Variants in SCAI observed in about 807,000 individuals in gnomAD.
The protein encoded by SCAI is suppressor of cancer cell invasion, also known as protein SCAI.
SCAI carries 24 observed loss-of-function variants against 92.2 expected under a neutral mutation model. The ratio of observed to expected loss-of-function variants is 0.26; its 90% CI spans 0.19 to 0.37. SCAI has a LOEUF of 0.37. Among genes scored for constraint, SCAI ranks in the 10% least tolerant of loss-of-function variants. The probability of loss-of-function intolerance (pLI) is 1.00; values close to 1 mark genes in which losing one functional copy is unlikely to be tolerated. For missense variants in SCAI, 450 were observed against 736.2 expected, an observed-to-expected ratio of 0.61 and a Z score of 4.50; for synonymous variants, 261 against 258.6, an observed-to-expected ratio of 1.01 and a Z score of -0.09.
intron 2 of SCAI, among the ~76,000 whole-genome samples, chr9:125,058,635 A>C (rs1194431952): frequency 6.6e-6 from 1 of 152,140 alleles, no homozygotes; most frequent in Non-Finnish European, 1.5e-5. Context: ...CTGTAATTCT[A>C]TCTACTGAGA....
intron 2 of SCAI, among the ~76,000 whole-genome samples, chr9:125,106,781 T>C (rs996109944): frequency 7.3e-6 from 1 of 137,686 alleles, no homozygotes; most frequent in Non-Finnish European, 1.5e-5. Context: ...CAATCACCAC[T>C]CACTGCAGCC....
At chr9:125,141,556 T>G (rs1435957746) in intron 2 of SCAI, among the ~76,000 whole-genome samples, 2 of 152,238 alleles carry the variant, frequency 1.3e-5, no homozygotes, top group African/African-American at 4.8e-5. Flanking sequence ...ATTCACTTTG[T>G]TTGTGGACTA....
intron 2 of SCAI, among the ~76,000 whole-genome samples, chr9:125,106,207 T>C (rs904147192): frequency 5.7e-5 from 8 of 140,222 alleles, no homozygotes; most frequent in Non-Finnish European, 1.2e-4. Flanking sequence ...TAAATTTTGG[T>C]CTAAATACCT....
At chr9:125,132,146 C>T (rs945756105) in intron 2 of SCAI, among the ~76,000 whole-genome samples, 1 of 150,450 alleles carries the variant, frequency 6.6e-6, no homozygotes, top group Non-Finnish European at 1.5e-5. Flanking sequence ...CAGCGTCATG[C>T]TCTGTCACCC....
At chr9:125,138,381 G>A (rs957304545) in intron 2 of SCAI, among the ~76,000 whole-genome samples, 3 of 148,976 alleles carry the variant, frequency 2.0e-5, no homozygotes, top group Admixed American at 6.8e-5. Flanking sequence ...TCAGCCTCCC[G>A]AGTAGCTGGG....
At chr9:125,037,530 G>A (rs1031390838) in intron 3 of SCAI, among the ~76,000 whole-genome samples, 1 of 152,086 alleles carries the variant, frequency 6.6e-6, no homozygotes, top group African/African-American at 2.4e-5. Context: ...ACTGTTTCCT[G>A]GTCATATTTG....
intron 2 of SCAI, among the ~76,000 whole-genome samples, chr9:125,118,055 T>C (rs1835084586): frequency 6.6e-6 from 1 of 152,186 alleles, no homozygotes. Flanking sequence ...CTTGGACTCC[T>C]CCTTCCATTT....
intron 2 of SCAI, among the ~76,000 whole-genome samples, chr9:125,074,545 T>A (rs931239188): frequency 6.6e-6 from 1 of 150,760 alleles, no homozygotes; most frequent in African/African-American, 2.4e-5. Context: ...CGCATGAGCC[T>A]GGCCTCATTC....
At chr9:124,970,567 A>G (rs1831639206) in intron 17 of SCAI, among the ~76,000 whole-genome samples, 1 of 151,922 alleles carries the variant, frequency 6.6e-6, no homozygotes, top group Admixed American at 6.6e-5. Flanking sequence ...AAAAATACAA[A>G]AAATTAGCCA....
intron 2 of SCAI, among the ~76,000 whole-genome samples, chr9:125,081,563 G>T (rs531152215): frequency 6.6e-6 from 1 of 152,222 alleles, no homozygotes; most frequent in Admixed American, 6.5e-5. Context: ...TGCTGTTAAA[G>T]GCACTCAGTT....
intron 17 of SCAI, among the ~76,000 whole-genome samples, chr9:124,961,419 G>C (rs1322231319): frequency 6.6e-6 from 1 of 152,092 alleles, no homozygotes; most frequent in Non-Finnish European, 1.5e-5. Context: ...GGAGGCTGAG[G>C]CGGTTGGATC....
chr9:125,039,066 C>T (rs1464103098), intron 3 of SCAI, among the ~76,000 whole-genome samples: 2 of 152,106 alleles, frequency 1.3e-5, no homozygotes, highest in African/African-American at 4.8e-5. Context: ...ATTTCTTCCC[C>T]CTCTTACATT....
At chr9:125,036,024 C>T (rs924566357) in intron 3 of SCAI, among the ~76,000 whole-genome samples, 8 of 152,172 alleles carry the variant, frequency 5.3e-5, no homozygotes, top group Non-Finnish European at 1.2e-4. Flanking sequence ...CAGGGGCATG[C>T]TTGTAGTCCC....
At chr9:125,019,060 G>A (rs774515014) in intron 8 of SCAI, 47 bp downstream of exon 8, 33 of 1,513,556 alleles carry the variant, frequency 2.2e-5, no homozygotes, top group East Asian at 1.4e-4. Context: ...TAAACTACAC[G>A]GTCATTTATT....
At chr9:125,049,314 T>G (rs1833509193) in intron 3 of SCAI, among the ~76,000 whole-genome samples, 1 of 152,210 alleles carries the variant, frequency 6.6e-6, no homozygotes, top group African/African-American at 2.4e-5. Flanking sequence ...GGGATATCAC[T>G]GATAGACACA....
chr9:125,016,489 T>C (rs1320099864), intron 9 of SCAI, among the ~76,000 whole-genome samples: 1 of 151,608 alleles, frequency 6.6e-6, no homozygotes, highest in Admixed American at 6.6e-5. Flanking sequence ...AGAATCAATG[T>C]AAGAGAAAAA....
At position 125,016,244 on chromosome 9, in the gene SCAI, C is replaced by T. The variant is rs549446969; in HGVS notation, c.861+2555G>A. The stretch of plus-strand genomic sequence containing the variant: ...CAAAAAAAAAATACAAAAAATTAAC[C>T]GGGCGTGGTGGCACACACCTGTAGT... On this transcript the variant is annotated intron_variant, in intron 9 of 17. Transcript: ENST00000336505. 1.9e-3 allele frequency among the ~76,000 whole-genome samples: 282 copies of T among 149,686 alleles called. 3 individuals carry two copies. The highest frequency in any genetic ancestry group is 6.4e-3 in the African/African-American group (264 of 41,022).
rs1379165367 is a variant in SCAI, at chr9:124,971,681, T to C, written c.1563A>G (p.Ser521=). Residue 521 remains serine (S), a synonymous_variant, in exon 16 of 18, where the codon TCA becomes TCG. Transcript: ENST00000336505. ...AGATTAGGAGGGTACCTATTGAACG[T>C]GAATGAGTCAGTAGCTGGGCAATAT... ...NRDIAQLLTH[S]RSIDQAFLQF... 5.6e-6 allele frequency: 9 copies of C among 1,604,094 alleles called. No individual in the cohort carries two copies. Among genetic ancestry groups the C allele is most frequent in the East Asian group, 4.5e-5 (2 of 44,784 alleles).
At chr9:125,129,210 G>A (rs1835344477) in intron 2 of SCAI, among the ~76,000 whole-genome samples, 1 of 151,844 alleles carries the variant, frequency 6.6e-6, no homozygotes, top group African/African-American at 2.4e-5. Context: ...AGAGGCTGAG[G>A]CGAGCCGATC....
Sources: gnomAD v4.1 joint callset for allele counts (sites outside exome capture counted in the v4.1 genomes callset) on GRCh38, gnomAD v4.1.1 for gene constraint, MANE v1.5 for transcripts, NCBI Gene and HGNC (gene_info 2026-07-23, HGNC 2026-07-21) for gene names.